The following RNF150 variants were observed in gnomAD, a reference collection of about 807,000 sequenced individuals.
RNF150 encodes the protein ring finger protein 150.
In RNF150, 24 loss-of-function variants were observed where a neutral mutation model predicts 39.3. That is an observed-to-expected ratio of 0.61 (90% CI 0.44 to 0.86). The LOEUF (loss-of-function observed/expected upper bound fraction) is 0.86, where lower values mean the gene tolerates loss of function less well. Among genes scored for constraint, RNF150 ranks in the 40% least tolerant of loss-of-function variants. The probability of loss-of-function intolerance (pLI) is 0.00; values close to 1 mark genes in which losing one functional copy is unlikely to be tolerated. For missense variants in RNF150, 502 were observed against 587.8 expected, an observed-to-expected ratio of 0.85 and a Z score of 1.51; for synonymous variants, 255 against 227.3, an observed-to-expected ratio of 1.12 and a Z score of -1.10.
chr4:141,204,891 A>G (rs1017141499), intron 1 of RNF150, among the ~76,000 whole-genome samples: 17 of 152,130 alleles, frequency 1.1e-4, no homozygotes, highest in Admixed American at 1.0e-3. Context: ...ATTTTAAAGG[A>G]CCTTTTTCAT....
chr4:140,909,735 G>C (rs1032018688), intron 6 of RNF150, among the ~76,000 whole-genome samples: 1 of 152,010 alleles, frequency 6.6e-6, no homozygotes, highest in Non-Finnish European at 1.5e-5. Context: ...CAAAACAAAG[G>C]GGTCAAAATC....
chr4:141,090,503 A>C (rs758806924), intron 1 of RNF150, among the ~76,000 whole-genome samples: 1 of 152,236 alleles, frequency 6.6e-6, no homozygotes, highest in Non-Finnish European at 1.5e-5. Flanking sequence ...TCATATAAGC[A>C]TAGGAGATGG....
chr4:140,901,171 T>C (rs993004211), intron 6 of RNF150, among the ~76,000 whole-genome samples: 3 of 152,230 alleles, frequency 2.0e-5, no homozygotes, highest in East Asian at 1.9e-4. Flanking sequence ...AGCAGGGCAT[T>C]TGCAGAAATT....
At chr4:141,159,614 C>T (rs1366559145) in intron 1 of RNF150, among the ~76,000 whole-genome samples, 1 of 152,096 alleles carries the variant, frequency 6.6e-6, no homozygotes, top group Admixed American at 6.6e-5. Context: ...GCAATCATGG[C>T]TAACTGCAGC....
Position 141,174,902 on chromosome 4 carries a change from A to AC in RNF150, c.-6+37891_-6+37892insG, listed in dbSNP as rs1173878724. On this transcript the variant is annotated intron_variant, in intron 1 of 7. Coordinates refer to the RNF150 transcript ENST00000420921. Reference sequence around the variant, plus strand: ...CCTGTATCAGGAAAAAAAAAAAAAAAAAACCTCTGTACCAACTCCAAATGA... The same window carrying AC: ...CCTGTATCAGGAAAAAAAAAAAAAAACAAACCTCTGTACCAACTCCAAATGA... 5.3e-5 allele frequency among the ~76,000 whole-genome samples: 8 copies of AC among 152,178 alleles called. No individual in the cohort carries two copies. The East Asian group carries it at 1.5e-3, about 29-fold the overall frequency.
intron 6 of RNF150, among the ~76,000 whole-genome samples, chr4:140,883,513 C>T (rs1729450558): frequency 6.6e-6 from 1 of 152,084 alleles, no homozygotes. Context: ...GTCTTTATTT[C>T]CCCTTCAGTT....
At chr4:140,986,934 C>T (rs1371537635) in intron 1 of RNF150, among the ~76,000 whole-genome samples, 1 of 151,996 alleles carries the variant, frequency 6.6e-6, no homozygotes, top group East Asian at 1.9e-4. Context: ...TTTCAGGATA[C>T]AAAATCAATG....
chr4:140,920,019 C>T lies in RNF150; in HGVS notation c.987+5958G>A, dbSNP rs140244877. Among the ~76,000 whole-genome samples the T allele has an allele frequency of 9.9e-3, 1,509 of 152,156 alleles. 25 individuals are homozygous for T. The highest frequency in any genetic ancestry group is 0.034 in the African/African-American group (1,421 of 41,480). On this transcript the variant is annotated intron_variant, in intron 5 of 6. Transcript: ENST00000515673. ...CTGAAACTGGATCCCTTCCTTACGT[C>T]GTATACAAAAATTAATTCAAAATGG...
At chr4:141,112,452 C>T (rs1287841806) in intron 1 of RNF150, among the ~76,000 whole-genome samples, 3 of 152,130 alleles carry the variant, frequency 2.0e-5, no homozygotes, top group Non-Finnish European at 4.4e-5. Flanking sequence ...ATTTGCTTGT[C>T]TGTAAAGGAT....
At chr4:140,919,597 A>C (rs1218429401) in intron 5 of RNF150, among the ~76,000 whole-genome samples, 22 of 150,440 alleles carry the variant, frequency 1.5e-4, no homozygotes, top group African/African-American at 5.1e-4. Context: ...ATATCGTGAA[A>C]ATGGCCATAC....
intron 6 of RNF150, among the ~76,000 whole-genome samples, chr4:140,894,891 C>T (rs960970878): frequency 2.0e-5 from 3 of 152,130 alleles, no homozygotes; most frequent in African/African-American, 7.2e-5. Context: ...CCATAAATCT[C>T]GAAGTCACAA....
rs766711130 is a variant in RNF150 at position 141,132,499 on chromosome 4, G to A, written c.310C>T (p.Pro104Ser). ...SSAHDRLACD[P>S]NTKFAAPTRG... ...GTCGGGGCGGCGAACTTGGTGTTGG[G>A]GTCGCAGGCCAGGCGGTCGTGGGCC... Residue 104 changes from proline (P) to serine (S), a missense_variant, in exon 1 of 7, where the codon CCC becomes TCC. Coordinates refer to ENST00000515673, the MANE Select transcript of RNF150 (RefSeq NM_020724.2). This position sits in a 1 kb window ranked among gnomAD's most constrained non-coding sequence, Gnocchi z 4.9. The A allele has an allele frequency of 1.2e-6, 2 of 1,606,380 alleles. No individual in the cohort carries two copies. The highest frequency in any genetic ancestry group is 1.7e-6 in the Non-Finnish European group (2 of 1,177,306).
At chr4:140,928,635 C>T (rs1467085945) in intron 4 of RNF150, among the ~76,000 whole-genome samples, 1 of 152,198 alleles carries the variant, frequency 6.6e-6, no homozygotes, top group Non-Finnish European at 1.5e-5. Context: ...CAAGCTCCAT[C>T]TCCTGGGTTC....
At chr4:141,039,335 AGAAGGTGGTAGAGAAAGAAAGGGGAG>A (rs1305467936) in intron 1 of RNF150, among the ~76,000 whole-genome samples, 3 of 151,036 alleles carry the variant, frequency 2.0e-5, no homozygotes, top group African/African-American at 4.9e-5. Context: ...AACTAAGAGG[AGAAGGTGGTAGAGAAAGAAAGGGGAG>A]GAAGGAGGTA....
chr4:141,052,968 T>C (rs1390185539), intron 1 of RNF150, among the ~76,000 whole-genome samples: 5 of 152,198 alleles, frequency 3.3e-5, no homozygotes, highest in African/African-American at 7.2e-5. Context: ...GACATGTACA[T>C]GGCTTGCTTA....
chr4:140,890,148 C>CA lies in RNF150; in HGVS notation c.1198+20995dup, dbSNP rs576983109. 1.9e-3 allele frequency among the ~76,000 whole-genome samples: 292 copies of CA among 152,124 alleles called. 1 individual carries two copies. Among genetic ancestry groups the CA allele is most frequent in the African/African-American group, 6.8e-3 (283 of 41,492 alleles). ...AGTGTGTGTGTATGTGTGCAGGTAA[C>CA]AAAAAAATCAATGTACAAGTTACAT... On this transcript the variant is annotated intron_variant, in intron 6 of 6. Coordinates refer to ENST00000515673, the MANE Select transcript of RNF150 (RefSeq NM_020724.2).
chr4:141,148,001 C>T (rs1253100615), intron 1 of RNF150, among the ~76,000 whole-genome samples: 1 of 152,026 alleles, frequency 6.6e-6, no homozygotes, highest in African/African-American at 2.4e-5. Context: ...TTGGTAACAT[C>T]CTTAAAATAT....
chr4:140,865,743 A>T lies in RNF150; in HGVS notation c.*2518T>A, dbSNP rs570551805. 9 of 152,570 alleles carry T rather than the reference A, an allele frequency of 5.9e-5. No homozygotes were observed. Among genetic ancestry groups the T allele is most frequent in the Non-Finnish European group, 1.3e-4 (9 of 68,036 alleles). 9.5% of individuals were successfully genotyped at this position (152,570 alleles called of 1,614,324 possible). ...GCATCCTGTAAGTGCAGCTGTGGCC[A>T]GGGCTTGCATATGCAATCAATTCCT... On this transcript the variant is annotated 3_prime_UTR_variant, in exon 7 of 7. Transcript: ENST00000515673.
At chr4:141,100,732 G>C (rs1738978043) in intron 1 of RNF150, among the ~76,000 whole-genome samples, 1 of 152,134 alleles carries the variant, frequency 6.6e-6, no homozygotes, top group Non-Finnish European at 1.5e-5. Context: ...CATCATTGTG[G>C]AAACATCATA....
Sources: allele counts gnomAD v4.1 joint callset (sites outside exome capture counted in the v4.1 genomes callset), GRCh38; gene constraint gnomAD v4.1.1; non-coding constraint Gnocchi (gnomAD v3.1); transcripts MANE v1.5; gene names NCBI Gene and HGNC (gene_info 2026-07-23, HGNC 2026-07-21).